TENM4: variants seen among roughly 807,000 people sequenced by gnomAD.
TENM4 encodes teneurin-4.
Under a neutral mutation model 243.3 loss-of-function variants are expected in TENM4, and 82 were observed. The ratio of observed to expected loss-of-function variants is 0.34; its 90% CI spans 0.28 to 0.40. TENM4 has a LOEUF of 0.40. Among genes scored for constraint, TENM4 ranks in the 10% least tolerant of loss-of-function variants. The pLI, the probability that TENM4 is intolerant of heterozygous loss-of-function variation, is 1.00. For missense variants in TENM4, 3,138 were observed against 3,673.3 expected, an observed-to-expected ratio of 0.85 and a Z score of 3.77; for synonymous variants, 1,412 against 1,456.3, an observed-to-expected ratio of 0.97 and a Z score of 0.69.
At chr11:79,091,906 GT>G (rs1439771922) in intron 4 of TENM4, among the ~76,000 whole-genome samples, 1 of 152,110 alleles carries the variant, frequency 6.6e-6, no homozygotes, top group African/African-American at 2.4e-5. Context: ...GCTGCCAGCT[GT>G]AATTCCTTCC....
At chr11:79,375,437 C>G (rs998425325) in intron 1 of TENM4, among the ~76,000 whole-genome samples, 2 of 152,152 alleles carry the variant, frequency 1.3e-5, no homozygotes, top group Non-Finnish European at 2.9e-5. Context: ...GTGCATAGCT[C>G]TTTATCCTTT....
intron 9 of TENM4, among the ~76,000 whole-genome samples, chr11:78,884,610 A>G (rs1214235579): frequency 2.0e-5 from 3 of 152,218 alleles, no homozygotes; most frequent in Non-Finnish European, 4.4e-5. Context: ...AAAATACAGA[A>G]AATCATACTC....
chr11:78,674,293 C>T (rs922952495), intron 30 of TENM4, among the ~76,000 whole-genome samples: 1 of 152,192 alleles, frequency 6.6e-6, no homozygotes, highest in Non-Finnish European at 1.5e-5. Context: ...TATGGGGAGG[C>T]ACACCCGGCT....
At chr11:78,761,474 C>A (rs886225262) in intron 18 of TENM4, among the ~76,000 whole-genome samples, 7 of 151,964 alleles carry the variant, frequency 4.6e-5, no homozygotes, top group Non-Finnish European at 8.8e-5. Flanking sequence ...CTCCTGACCT[C>A]GTGATCCACC....
At chr11:78,961,984 G>A (rs1019664724) in intron 6 of TENM4, among the ~76,000 whole-genome samples, 4 of 152,114 alleles carry the variant, frequency 2.6e-5, no homozygotes, top group Non-Finnish European at 5.9e-5. Flanking sequence ...GGCAAGAGCG[G>A]GGCTGCCTGA....
intron 12 of TENM4, among the ~76,000 whole-genome samples, chr11:78,815,419 T>C (rs1331674634): frequency 6.6e-6 from 1 of 152,148 alleles, no homozygotes; most frequent in African/African-American, 2.4e-5. Context: ...CTATTCCTTC[T>C]GCACTACTTG....
chr11:79,342,106 A>T (rs1384068630), intron 1 of TENM4, among the ~76,000 whole-genome samples: 1 of 152,172 alleles, frequency 6.6e-6, no homozygotes, highest in African/African-American at 2.4e-5. Context: ...CACAGAGGAC[A>T]CTGAGACCCC....
chr11:79,139,070 T>C (rs1184638598), intron 4 of TENM4, among the ~76,000 whole-genome samples: 7 of 22,124 alleles, frequency 3.2e-4, no homozygotes, highest in African/African-American at 2.9e-3. Flanking sequence ...TATATTTCTA[T>C]AAATATATAT....
At chr11:79,227,731 A>G (rs928103493) in intron 2 of TENM4, among the ~76,000 whole-genome samples, 6 of 152,218 alleles carry the variant, frequency 3.9e-5, no homozygotes, top group African/African-American at 1.4e-4. Context: ...GGGAGAGGCC[A>G]TCAGTAAGTC....
chr11:79,066,622 G>GCA (rs749352968), intron 5 of TENM4, among the ~76,000 whole-genome samples: 8 of 150,046 alleles, frequency 5.3e-5, no homozygotes, highest in Admixed American at 3.3e-4. Context: ...ACACACGTGC[G>GCA]CACACACATG....
At chr11:79,109,562 CCGAGGTT>C (rs1399321969) in intron 4 of TENM4, among the ~76,000 whole-genome samples, 17 of 152,292 alleles carry the variant, frequency 1.1e-4, no homozygotes, top group Admixed American at 5.9e-4. Flanking sequence ...GGCAGGCAGG[CCGAGGTT>C]CAAATCCCAG....
At chr11:79,439,220 G>A (rs1281383324) in intron 1 of TENM4, 1 of 150,156 alleles carries the variant, frequency 6.7e-6, no homozygotes, top group Non-Finnish European at 1.5e-5. Context: ...CAAACACCAA[G>A]CCAGTATGCA....
intron 1 of TENM4, among the ~76,000 whole-genome samples, chr11:79,401,501 T>C (rs970739615): frequency 3.3e-5 from 5 of 152,186 alleles, no homozygotes; most frequent in Admixed American, 2.6e-4. Flanking sequence ...TTTTTGCTGG[T>C]TACAAAAGTA....
At chr11:79,299,395 C>T (rs745648094) in intron 1 of TENM4, among the ~76,000 whole-genome samples, 56 of 152,302 alleles carry the variant, frequency 3.7e-4, no homozygotes, top group Non-Finnish European at 4.0e-4. Context: ...GCCCCAGGAG[C>T]GCACTCAGTT....
At chr11:78,789,489 A>G (rs1857009442) in intron 15 of TENM4, among the ~76,000 whole-genome samples, 1 of 152,202 alleles carries the variant, frequency 6.6e-6, no homozygotes, top group Admixed American at 6.5e-5. Flanking sequence ...ACAACATTGA[A>G]AGGGCAATGA....
intron 1 of TENM4, among the ~76,000 whole-genome samples, chr11:79,357,829 G>C (rs2135488096): frequency 6.6e-6 from 1 of 152,046 alleles, no homozygotes; most frequent in South Asian, 2.1e-4. Flanking sequence ...AAATTATCTT[G>C]CCCACTTGTA....
At chr11:79,062,118 T>C (rs1860107530) in intron 6 of TENM4, among the ~76,000 whole-genome samples, 1 of 151,944 alleles carries the variant, frequency 6.6e-6, no homozygotes, top group Non-Finnish European at 1.5e-5. Flanking sequence ...TGCACCACCA[T>C]GCCTGGCTAA....
At chr11:78,932,292 C>T (rs1458100389) in intron 6 of TENM4, among the ~76,000 whole-genome samples, 4 of 152,144 alleles carry the variant, frequency 2.6e-5, no homozygotes, top group East Asian at 1.9e-4. Context: ...GGAGCTCCAG[C>T]CCTATGAGAT....
intron 3 of TENM4, among the ~76,000 whole-genome samples, chr11:79,164,523 T>A (rs1048684749): frequency 7.0e-6 from 1 of 142,068 alleles, no homozygotes; most frequent in African/African-American, 2.6e-5. Context: ...ACATACTATA[T>A]ATATACTATA....
Sources: gnomAD v4.1 joint callset for allele counts (sites outside exome capture counted in the v4.1 genomes callset) on GRCh38, gnomAD v4.1.1 for gene constraint, MANE v1.5 for transcripts, NCBI Gene and HGNC (gene_info 2026-07-23, HGNC 2026-07-21) for gene names.